SPPL3: variants seen among roughly 807,000 people sequenced by gnomAD.
SPPL3 encodes the protein signal peptide peptidase-like 3.
A neutral mutation model predicts 42.4 loss-of-function variants in SPPL3; 5 were observed. That is an observed-to-expected ratio of 0.12 (90% CI 0.06 to 0.25). The LOEUF (loss-of-function observed/expected upper bound fraction) is 0.25. Ranked by LOEUF, SPPL3 falls within the 10% of genes least tolerant of loss-of-function variation. The pLI, the probability that SPPL3 is intolerant of heterozygous loss-of-function variation, is 1.00. For synonymous variants in SPPL3, 195 were observed against 181.8 expected (o/e 1.07, Z -0.58); for missense variants, 235 against 489.0 (o/e 0.48, Z 4.90).
chr12:120,805,911 C>T (rs1057159731), intron 2 of SPPL3, among the ~76,000 whole-genome samples: 9 of 151,428 alleles, frequency 5.9e-5, no homozygotes, highest in Admixed American at 5.9e-4. Flanking sequence ...ACACATTCCA[C>T]ATCCATGGAT....
At chr12:120,765,520 C>T (rs934779887) in intron 10 of SPPL3, among the ~76,000 whole-genome samples, 5 of 152,142 alleles carry the variant, frequency 3.3e-5, no homozygotes, top group Admixed American at 6.5e-5. Flanking sequence ...ACTCTTAACC[C>T]GCCTGCCTCA....
intron 6 of SPPL3, among the ~76,000 whole-genome samples, chr12:120,772,713 T>C (rs1338453378): frequency 6.6e-6 from 1 of 152,220 alleles, no homozygotes; most frequent in Non-Finnish European, 1.5e-5. Flanking sequence ...TACTGTTTCA[T>C]GGGTTCCTAC....
At chr12:120,897,031 A>G (rs1873828299) in intron 1 of SPPL3, among the ~76,000 whole-genome samples, 1 of 152,222 alleles carries the variant, frequency 6.6e-6, no homozygotes, top group Non-Finnish European at 1.5e-5. Flanking sequence ...TCTTTTTAGG[A>G]CATCTCTAAA....
intron 3 of SPPL3, among the ~76,000 whole-genome samples, chr12:120,787,760 C>A (rs1349183986): frequency 6.6e-6 from 1 of 152,062 alleles, no homozygotes; most frequent in African/African-American, 2.4e-5. Flanking sequence ...TTGCCTGTTT[C>A]CTAAATTTTA....
intron 1 of SPPL3, among the ~76,000 whole-genome samples, chr12:120,822,734 C>CT: frequency 6.6e-6 from 1 of 152,108 alleles, no homozygotes; most frequent in East Asian, 1.9e-4. Context: ...TCCAATGACC[C>CT]TGGGGGCACA....
At chr12:120,868,390 T>C (rs1305853232) in intron 1 of SPPL3, among the ~76,000 whole-genome samples, 2 of 152,240 alleles carry the variant, frequency 1.3e-5, no homozygotes, top group Non-Finnish European at 2.9e-5. Context: ...TTTCAAAGTG[T>C]AGTCCACGGA....
At position 120,861,043 on chromosome 12, in the gene SPPL3, T is replaced by C. The variant is rs1033220604; in HGVS notation, c.23+42802A>G. On this transcript the variant is annotated intron_variant, in intron 1 of 10. Transcript: ENST00000353487. Reference sequence around the variant, plus strand: ...TAAATCATCGCTATATTACTTACAATACATAGTACAATGAAAACGCTATAT... The same window carrying C: ...TAAATCATCGCTATATTACTTACAACACATAGTACAATGAAAACGCTATAT... Among the ~76,000 whole-genome samples, 12 of 152,216 alleles carry C rather than the reference T, an allele frequency of 7.9e-5. No homozygotes were observed. The South Asian group carries it at 1.7e-3, about 21-fold the overall frequency.
At chr12:120,898,970 C>A (rs1947916231) in intron 1 of SPPL3, among the ~76,000 whole-genome samples, 2 of 152,144 alleles carry the variant, frequency 1.3e-5, no homozygotes, top group African/African-American at 4.8e-5. Flanking sequence ...TATATAAGTA[C>A]CACATTTTGC....
intron 1 of SPPL3, among the ~76,000 whole-genome samples, chr12:120,864,833 A>G (rs755467533): frequency 6.6e-6 from 1 of 152,176 alleles, no homozygotes; most frequent in Non-Finnish European, 1.5e-5. Context: ...AAAGATGTGC[A>G]ATCTAGTGTC....
At chr12:120,781,221 G>A (rs2136976971) in intron 6 of SPPL3, among the ~76,000 whole-genome samples, 1 of 152,220 alleles carries the variant, frequency 6.6e-6, no homozygotes, top group East Asian at 1.9e-4. Context: ...TCAATGAAGA[G>A]AAATTCTCAT....
rs568661898 is a variant in SPPL3, at chr12:120,777,373, T to C, written c.502+5282A>G. Among the ~76,000 whole-genome samples, 6 of 152,348 alleles carry C rather than the reference T, an allele frequency of 3.9e-5. No homozygotes were observed. In the East Asian group the frequency reaches 1.2e-3, roughly 29 times the overall value. ...ATTCCTTAATATTGTATAACACATA[T>C]TTTTAAAAGATTAGGTTTTACTAAA... On this transcript the variant is annotated intron_variant, in intron 6 of 10. Coordinates refer to ENST00000353487, the MANE Select transcript of SPPL3 (RefSeq NM_139015.5).
intron 2 of SPPL3, among the ~76,000 whole-genome samples, chr12:120,807,843 C>T (rs1168898324): frequency 6.6e-6 from 1 of 152,098 alleles, no homozygotes; most frequent in Non-Finnish European, 1.5e-5. Context: ...ACATAAATCT[C>T]TTCCATAAAA....
At chr12:120,818,925 G>A (rs1195316027) in intron 1 of SPPL3, among the ~76,000 whole-genome samples, 1 of 152,116 alleles carries the variant, frequency 6.6e-6, no homozygotes, top group Non-Finnish European at 1.5e-5. Context: ...AAAATTAAGC[G>A]AGACAAGGAA....
intron 1 of SPPL3, among the ~76,000 whole-genome samples, chr12:120,824,019 C>T (rs1318206066): frequency 2.6e-5 from 4 of 151,856 alleles, no homozygotes; most frequent in Admixed American, 1.3e-4. Context: ...TACAGGCGCC[C>T]GCCACCAAGC....
chr12:120,892,982 G>T (rs11065316), intron 1 of SPPL3, among the ~76,000 whole-genome samples: 1 of 75,788 alleles, frequency 1.3e-5, no homozygotes, highest in African/African-American at 3.0e-5. Flanking sequence ...ACTCTGTCTC[G>T]GGAAAAAAAA....
At chr12:120,769,257 G>GTGAT in intron 6 of SPPL3, 198 bp from the exon 7 acceptor site, 1 of 504,382 alleles carries the variant, frequency 2.0e-6, no homozygotes, top group South Asian at 2.2e-5. Flanking sequence ...GGAATTTGGG[G>GTGAT]TGATTGCTTT....
chr12:120,858,378 C>A (rs941165984), intron 1 of SPPL3, among the ~76,000 whole-genome samples: 2 of 151,794 alleles, frequency 1.3e-5, no homozygotes, highest in African/African-American at 2.4e-5. Flanking sequence ...GACGCTTGAA[C>A]CCGGGAAGCG....
intron 1 of SPPL3, among the ~76,000 whole-genome samples, chr12:120,877,084 C>G (rs778192418): frequency 2.6e-5 from 4 of 151,908 alleles, no homozygotes; most frequent in Non-Finnish European, 4.4e-5. Context: ...TAAACTTATA[C>G]AAACAACAAA....
chr12:120,766,100 G>GCGCACACACACA (rs1186435935), intron 10 of SPPL3, among the ~76,000 whole-genome samples, 163 bp downstream of exon 10: 3 of 84,062 alleles, frequency 3.6e-5, no homozygotes, highest in East Asian at 6.7e-4. Flanking sequence ...GCGCGCGCGC[G>GCGCACACACACA]CACACACACA....
Sources: allele counts gnomAD v4.1 joint callset (sites outside exome capture counted in the v4.1 genomes callset), GRCh38; gene constraint gnomAD v4.1.1; transcripts MANE v1.5; gene names NCBI Gene and HGNC (gene_info 2026-07-23, HGNC 2026-07-21).